The following TBL1X variants were observed in gnomAD, a reference collection of about 807,000 sequenced individuals.
The protein encoded by TBL1X is transducin beta like 1 X-linked.
In TBL1X, 10 loss-of-function variants were observed where a neutral mutation model predicts 50.7. The ratio of observed to expected loss-of-function variants is 0.20; its 90% CI spans 0.12 to 0.33. The LOEUF is 0.33. TBL1X is among the 10% of genes least tolerant of loss of function. The pLI, the probability that TBL1X is intolerant of heterozygous loss-of-function variation, is 1.00. For missense variants in TBL1X, 340 were observed against 504.4 expected (o/e 0.67, Z 3.12); for synonymous variants, 190 against 214.7 (o/e 0.88, Z 1.01).
intron 5 of TBL1X, 120 bp from the exon 6 acceptor site, chrX:9,683,923 T>C: frequency 9.4e-7 from 1 of 1,064,406 alleles, no homozygotes; most frequent in African/African-American, 1.8e-5. Context: ...TCTGCAGCCG[T>C]GTCTGTCCCT....
chrX:9,703,506 G>A (rs1409572094), intron 12 of TBL1X, among the ~76,000 whole-genome samples: 3 of 111,762 alleles, frequency 2.7e-5, no homozygotes, highest in Non-Finnish European at 5.7e-5. Context: ...TGGCCCCTAG[G>A]AAGGCGGGTG....
intron 2 of TBL1X, among the ~76,000 whole-genome samples, chrX:9,614,435 A>G (rs2082629814): frequency 9.0e-6 from 1 of 111,273 alleles, no homozygotes; most frequent in African/African-American, 3.3e-5. Flanking sequence ...GTTGATGCAC[A>G]CCTGTAGTCC....
chrX:9,674,754 A>AT (rs1408515046), intron 5 of TBL1X, among the ~76,000 whole-genome samples: 4 of 84,658 alleles, frequency 4.7e-5, no homozygotes, highest in Non-Finnish European at 8.5e-5. Context: ...AATTATTTTT[A>AT]TTTTTTGTAA....
At chrX:9,514,670 C>T (rs1228303292) in intron 2 of TBL1X, among the ~76,000 whole-genome samples, 2 of 112,400 alleles carry the variant, frequency 1.8e-5, no homozygotes, top group African/African-American at 6.5e-5. Context: ...CGGCTTTCCC[C>T]AAGGGGAGTG....
chrX:9,491,334 ATATATTTTT>A (rs1236423762), intron 1 of TBL1X, among the ~76,000 whole-genome samples: 2 of 23,383 alleles, frequency 8.6e-5, no homozygotes, highest in African/African-American at 3.7e-4. Flanking sequence ...ATATATATAT[ATATATTTTT>A]TTTTTTTTTT....
chrX:9,562,759 G>GA (rs34526953), intron 2 of TBL1X, among the ~76,000 whole-genome samples: 66 of 102,530 alleles, frequency 6.4e-4, no homozygotes, highest in Admixed American at 1.8e-3. Flanking sequence ...CTTCAAAGCA[G>GA]AAAAAAAAAA....
chrX:9,693,205 G>T lies in TBL1X; in HGVS notation c.948G>T (p.Thr316=). 4 of 1,211,481 alleles carry T rather than the reference G, an allele frequency of 3.3e-6. No individual in the cohort carries two copies. Among genetic ancestry groups the T allele is most frequent in the Non-Finnish European group, 4.5e-6 (4 of 895,409 alleles). ...GSYDGFARIW[T]EDGNLASTLG... The stretch of plus-strand genomic sequence containing the variant: ...ATGACGGTTTTGCAAGAATATGGAC[G>T]GAAGATGGTGAGTTCTGTGTCCCTC... Residue 316 remains threonine (T), a synonymous_variant, in exon 10 of 18, where the codon ACG becomes ACT. Coordinates refer to ENST00000645353, the MANE Select transcript of TBL1X (RefSeq NM_005647.4).
intron 2 of TBL1X, among the ~76,000 whole-genome samples, chrX:9,546,240 G>A (rs1340735343): frequency 2.7e-5 from 3 of 112,222 alleles, no homozygotes; most frequent in South Asian, 3.7e-4. Flanking sequence ...ATGGCTTGCC[G>A]TGGTGACTCA....
chrX:9,504,067 G>A (rs1056758337), intron 2 of TBL1X, among the ~76,000 whole-genome samples: 5 of 111,632 alleles, frequency 4.5e-5, no homozygotes, highest in African/African-American at 1.6e-4. Flanking sequence ...GAGGTCAGAG[G>A]TCCCAGAAGA....
chrX:9,579,236 G>C (rs149948077), intron 2 of TBL1X, among the ~76,000 whole-genome samples: 12 of 112,157 alleles, frequency 1.1e-4, no homozygotes, highest in Middle Eastern at 9.2e-3. Context: ...AACTGTAACA[G>C]CTGAAATACC....
intron 2 of TBL1X, among the ~76,000 whole-genome samples, chrX:9,591,540 G>C (rs1601779910): frequency 8.9e-6 from 1 of 112,505 alleles, no homozygotes; most frequent in East Asian, 2.8e-4. Context: ...TGCTTGCTTT[G>C]TGCAGGTTAT....
intron 2 of TBL1X, among the ~76,000 whole-genome samples, chrX:9,625,869 G>T (rs774775510): frequency 1.2e-4 from 14 of 112,453 alleles, no homozygotes; most frequent in African/African-American, 3.9e-4. Context: ...AACCCGGCGG[G>T]GGGGCGGAGG....
intron 5 of TBL1X, among the ~76,000 whole-genome samples, chrX:9,681,158 G>A (rs1348426367): frequency 8.9e-6 from 1 of 112,159 alleles, no homozygotes; most frequent in Non-Finnish European, 1.9e-5. Flanking sequence ...GTTAGACTGA[G>A]CTTTGCACAC....
chrX:9,473,259 T>G (rs1274192498), intron 1 of TBL1X, among the ~76,000 whole-genome samples: 1 of 112,363 alleles, frequency 8.9e-6, no homozygotes, highest in African/African-American at 3.2e-5. Context: ...TTTGGTTCAT[T>G]TGGGGAACAG....
At chrX:9,701,597 GAA>G (rs2083173536) in intron 12 of TBL1X, among the ~76,000 whole-genome samples, 1 of 65,887 alleles carries the variant, frequency 1.5e-5, no homozygotes, top group African/African-American at 6.6e-5. Context: ...AAAAAAAAAA[GAA>G]GAAGAAAAAG....
At chrX:9,678,832 G>A (rs754705261) in intron 5 of TBL1X, among the ~76,000 whole-genome samples, 2 of 111,624 alleles carry the variant, frequency 1.8e-5, no homozygotes, top group African/African-American at 6.5e-5. Context: ...TGCAAGAAAC[G>A]CAATACATGT....
At chrX:9,632,502 C>T (rs1601806720) in intron 2 of TBL1X, among the ~76,000 whole-genome samples, 1 of 111,267 alleles carries the variant, frequency 9.0e-6, no homozygotes, top group Non-Finnish European at 1.9e-5. Context: ...AGGCTGGTCT[C>T]GGACTCCTGG....
At chrX:9,573,402 T>C (rs763431252) in intron 2 of TBL1X, among the ~76,000 whole-genome samples, 27 of 112,529 alleles carry the variant, frequency 2.4e-4, no homozygotes, top group Non-Finnish European at 4.1e-4. Flanking sequence ...TTGGGTTCTT[T>C]TCATAGTGTT....
At chrX:9,468,780 A>G (rs1184304285) in intron 1 of TBL1X, among the ~76,000 whole-genome samples, 1 of 110,378 alleles carries the variant, frequency 9.1e-6, no homozygotes, top group African/African-American at 3.3e-5. Context: ...GGGTAGAGGG[A>G]GAGAGAGATT....
Sources: allele counts gnomAD v4.1 joint callset (sites outside exome capture counted in the v4.1 genomes callset), GRCh38; gene constraint gnomAD v4.1.1; transcripts MANE v1.5; gene names NCBI Gene and HGNC (gene_info 2026-07-23, HGNC 2026-07-21).